The following UPF2 variants were observed in gnomAD, a reference collection of about 807,000 sequenced individuals.
UPF2 encodes the protein regulator of nonsense transcripts 2.
Under a neutral mutation model 141.4 loss-of-function variants are expected in UPF2, and 17 were observed. That is an observed-to-expected ratio of 0.12 (90% CI 0.08 to 0.18). UPF2 has a LOEUF of 0.18. Among genes scored for constraint, UPF2 ranks in the 10% least tolerant of loss-of-function variants. The probability of loss-of-function intolerance (pLI) is 1.00; values close to 1 mark genes in which losing one functional copy is unlikely to be tolerated. For synonymous variants in UPF2, 540 were observed against 498.0 expected (o/e 1.08, Z -1.12); for missense variants, 1,152 against 1,515.9 (o/e 0.76, Z 3.99).
intron 4 of UPF2, among the ~76,000 whole-genome samples, chr10:12,005,385 A>G (rs189496482): frequency 6.6e-6 from 1 of 152,320 alleles, no homozygotes; most frequent in Admixed American, 6.5e-5. Context: ...CAAAGGGTAG[A>G]AGTTTGAGAT....
intron 18 of UPF2, among the ~76,000 whole-genome samples, chr10:11,937,150 A>G (rs879620201): frequency 5.3e-5 from 8 of 152,268 alleles, no homozygotes; most frequent in Non-Finnish European, 1.2e-4. Flanking sequence ...GCAGGAGTTC[A>G]GGGAGTACTG....
intron 11 of UPF2, among the ~76,000 whole-genome samples, chr10:11,960,771 T>C (rs1833227051): frequency 6.8e-6 from 1 of 148,138 alleles, no homozygotes; most frequent in African/African-American, 2.5e-5. Flanking sequence ...ACCTTATCTC[T>C]TAATAAAAAA....
rs1041182169 is a variant in UPF2 at position 12,019,878 on chromosome 10, C to A, written c.1146-5694G>T. On this transcript the variant is annotated intron_variant, in intron 3 of 21. Coordinates refer to ENST00000357604, the MANE Select transcript of UPF2 (RefSeq NM_015542.4). The surrounding 1 kb of genome is among the most constrained non-coding windows in gnomAD (Gnocchi z 4.5). ...TAGCTGGGATTACAGGAGCCTGCCA[C>A]CACACCCGGCTAATTTTTGTATTTT... 5.3e-5 allele frequency among the ~76,000 whole-genome samples: 8 copies of A among 152,126 alleles called. No individual in the cohort carries two copies. The highest frequency in any genetic ancestry group is 1.9e-4 in the African/African-American group (8 of 41,432).
chr10:11,991,428 T>C (rs947911576), intron 8 of UPF2, among the ~76,000 whole-genome samples: 3 of 152,184 alleles, frequency 2.0e-5, no homozygotes, highest in Non-Finnish European at 2.9e-5. Context: ...AGAACTAGTA[T>C]TTAAATATAT....
intron 8 of UPF2, among the ~76,000 whole-genome samples, chr10:11,995,496 A>G (rs1038592564): frequency 1.3e-5 from 2 of 152,154 alleles, no homozygotes; most frequent in Non-Finnish European, 1.5e-5. Context: ...AATTTAAAAA[A>G]GAGGTTTGGC....
chr10:12,042,905 G>C (rs962295502), upstream of UPF2: 1 of 151,908 alleles, frequency 6.6e-6, no homozygotes. This position sits in a 1 kb window ranked among gnomAD's most constrained non-coding sequence, Gnocchi z 5.5. Flanking sequence ...CCTCCCGCCC[G>C]CCACTCACCA....
In UPF2 at chr10:11,979,798, G is replaced by A. The variant is rs183846591; in HGVS notation, c.1845-633C>T. On this transcript the variant is annotated intron_variant, in intron 8 of 21. Coordinates refer to ENST00000357604, the MANE Select transcript of UPF2 (RefSeq NM_015542.4). The surrounding 1 kb of genome is among the most constrained non-coding windows in gnomAD (Gnocchi z 6.2). ...CATGCGCCTGTAGTCACAGCTACTC[G>A]GGAGGCTAAGGCAGGAGAATTGCTT... Among the ~76,000 whole-genome samples the A allele has an allele frequency of 6.4e-4, 98 of 152,218 alleles. No individual in the cohort carries two copies. Among genetic ancestry groups the A allele is most frequent in the Admixed American group, 1.6e-3 (25 of 15,288 alleles).
At chr10:12,035,655 T>A in intron 1 of UPF2, 1 of 466,082 alleles carries the variant, frequency 2.1e-6, no homozygotes. Flanking sequence ...TAAGTACTTG[T>A]TTTTTACTTT....
chr10:11,945,303 A>G (rs561802030), intron 16 of UPF2, among the ~76,000 whole-genome samples: 4 of 152,390 alleles, frequency 2.6e-5, no homozygotes, highest in African/African-American at 4.8e-5. Context: ...AATAGAACAC[A>G]GCATTTGTTT....
chr10:12,008,333 G>A (rs935117880), intron 4 of UPF2, among the ~76,000 whole-genome samples: 1 of 151,972 alleles, frequency 6.6e-6, no homozygotes, highest in African/African-American at 2.4e-5. Context: ...AGAGTGTAAA[G>A]AAACAGTCAT....
At chr10:12,038,311 C>CA (rs909844462) in intron 1 of UPF2, among the ~76,000 whole-genome samples, 6 of 150,742 alleles carry the variant, frequency 4.0e-5, no homozygotes, top group Non-Finnish European at 5.9e-5. Flanking sequence ...ACCCAGAAAG[C>CA]AGAGGTTGCA....
intron 2 of UPF2, among the ~76,000 whole-genome samples, chr10:12,032,853 CA>C (rs1391574085): frequency 6.6e-6 from 1 of 151,986 alleles, no homozygotes; most frequent in Non-Finnish European, 1.5e-5. Flanking sequence ...AGGTCCTGGC[CA>C]GGGGTGGTGG....
In UPF2 at chr10:11,929,952, G is replaced by A. The variant is rs763708197; in HGVS notation, c.3722C>T (p.Pro1241Leu). ...MLQSLAQRPA[P>L]ANTNRERRPR... ...CCGCCTCTCACGATTGGTGTTTGCT[G>A]GAGCTGGGCGCTGTGCAAGAGACTG... is the stretch of plus-strand genomic sequence containing the variant. The change falls in exon 21 of 22, where the codon CCA becomes CTA. Residue 1241 changes from proline to leucine, a missense_variant. Coordinates refer to ENST00000357604, the MANE Select transcript of UPF2 (RefSeq NM_015542.4). 6.2e-7 allele frequency: 1 copy of A among 1,614,228 alleles called. No homozygotes were observed. Among genetic ancestry groups the A allele is most frequent in the Admixed American group, 1.7e-5 (1 of 60,024 alleles).
At position 11,928,540 on chromosome 10, in the gene UPF2, T is replaced by C. The variant is rs1020944254; in HGVS notation, c.3809+1325A>G. On this transcript the variant is annotated intron_variant, in intron 21 of 21. Transcript: ENST00000357604. ...CTGGCTAACACGGTGAAACCCCGTC[T>C]CTACTAAAAATACTAAAAATTAGCC... is the stretch of plus-strand genomic sequence containing the variant. 5.9e-5 allele frequency among the ~76,000 whole-genome samples: 9 copies of C among 151,442 alleles called. 1 individual carries two copies. Among genetic ancestry groups the C allele is most frequent in the African/African-American group, 1.9e-4 (8 of 41,280 alleles).
intron 9 of UPF2, among the ~76,000 whole-genome samples, chr10:11,978,108 G>T (rs1013993574): frequency 9.2e-5 from 14 of 152,120 alleles, no homozygotes; most frequent in African/African-American, 3.1e-4. Context: ...TTATATTTAA[G>T]GATTAATTTT....
intron 19 of UPF2, among the ~76,000 whole-genome samples, chr10:11,932,450 G>A (rs568409034): frequency 1.1e-3 from 161 of 152,138 alleles, no homozygotes; most frequent in African/African-American, 3.5e-3. Flanking sequence ...CAATTTCTTC[G>A]TTTAGATCTT....
At chr10:11,961,316 G>T (rs184517528) in intron 11 of UPF2, among the ~76,000 whole-genome samples, 1 of 152,106 alleles carries the variant, frequency 6.6e-6, no homozygotes, top group African/African-American at 2.4e-5. Flanking sequence ...AAACAACAGA[G>T]AACCTACTTC....
At position 11,940,612 on chromosome 10, in the gene UPF2, C is replaced by T. The variant is rs1832924947; in HGVS notation, c.3378+2053G>A. ...GGAAAACCAACTATCATCTTTGATGCCTCACCCCCTACACACCCATATCCA... is the reference window on the plus strand; with the variant it reads ...GGAAAACCAACTATCATCTTTGATGTCTCACCCCCTACACACCCATATCCA... On this transcript the variant is annotated intron_variant, in intron 18 of 21. Coordinates refer to ENST00000357604, the MANE Select transcript of UPF2 (RefSeq NM_015542.4). The surrounding 1 kb of genome is among the most constrained non-coding windows in gnomAD (Gnocchi z 4.2). 6.6e-6 allele frequency among the ~76,000 whole-genome samples: 1 copy of T among 152,140 alleles called. No individual in the cohort carries two copies. The highest frequency in any genetic ancestry group is 2.4e-5 in the African/African-American group (1 of 41,426).
At chr10:11,954,704 G>A (rs191198602) in intron 14 of UPF2, among the ~76,000 whole-genome samples, 6 of 148,282 alleles carry the variant, frequency 4.0e-5, no homozygotes, top group African/African-American at 4.9e-5. Flanking sequence ...GGCTGGGCGC[G>A]ATGGTTCATG....
Sources: gnomAD v4.1 joint callset for allele counts (sites outside exome capture counted in the v4.1 genomes callset) on GRCh38, gnomAD v4.1.1 for gene constraint, Gnocchi (gnomAD v3.1) non-coding constraint, MANE v1.5 for transcripts, NCBI Gene and HGNC (gene_info 2026-07-23, HGNC 2026-07-21) for gene names.